The following COLEC12 variants were observed in gnomAD, a reference collection of about 807,000 sequenced individuals.
COLEC12 encodes the protein collectin subfamily member 12, also known as collectin-12.
COLEC12 carries 33 observed loss-of-function variants against 71.1 expected under a neutral mutation model. The observed-to-expected ratio is 0.46, with a 90% CI of 0.35 to 0.62. COLEC12 has a LOEUF of 0.62. Among genes scored for constraint, COLEC12 ranks in the 20% least tolerant of loss-of-function variants. COLEC12 has a pLI of 0.00. For synonymous variants in COLEC12, 350 were observed against 353.0 expected (o/e 0.99, Z 0.10); for missense variants, 765 against 916.1 (o/e 0.84, Z 2.13).
At chr18:481,539 T>C (rs1033242043) in intron 1 of COLEC12, among the ~76,000 whole-genome samples, 4 of 152,186 alleles carry the variant, frequency 2.6e-5, no homozygotes, top group Non-Finnish European at 5.9e-5. Flanking sequence ...ACCCCATCTC[T>C]ACTAAAAATA....
chr18:321,842 C>T, intron 8 of COLEC12, 35 bp from the exon 9 acceptor site: 1 of 1,589,556 alleles, frequency 6.3e-7, no homozygotes, highest in Non-Finnish European at 8.6e-7. Context: ...GTTATTTGCA[C>T]AGTAATGCAG....
At chr18:457,141 T>G (rs545963326) in intron 2 of COLEC12, among the ~76,000 whole-genome samples, 11 of 152,324 alleles carry the variant, frequency 7.2e-5, no homozygotes, top group African/African-American at 2.6e-4. Flanking sequence ...ACAGCATGGC[T>G]GCACAGTGAG....
chr18:465,473 T>C (rs1323396587), intron 2 of COLEC12, among the ~76,000 whole-genome samples: 1 of 152,218 alleles, frequency 6.6e-6, no homozygotes, highest in Non-Finnish European at 1.5e-5. Flanking sequence ...GAAATTTTTA[T>C]TTCCCAGTCT....
At chr18:468,459 T>C (rs1329529159) in intron 2 of COLEC12, among the ~76,000 whole-genome samples, 1 of 152,172 alleles carries the variant, frequency 6.6e-6, no homozygotes, top group Non-Finnish European at 1.5e-5. Context: ...CATAGCTAGT[T>C]AATGCATAGC....
At chr18:392,218 T>C (rs763132819) in intron 2 of COLEC12, among the ~76,000 whole-genome samples, 3 of 152,244 alleles carry the variant, frequency 2.0e-5, no homozygotes, top group Non-Finnish European at 4.4e-5. Flanking sequence ...CAACTTGTGC[T>C]ACTGTAGCTT....
rs750036744 is a variant in COLEC12, at chr18:346,677, C to G, written c.945G>C (p.Gln315His). ...TATTCTCTGCATCTTTGTGTAAGTC[C>G]TGCAGGTCTTTCAGGTTCTGCTCGT... ...QANEQNLKDL[Q>H]DLHKDAENRT... is the part of the protein sequence containing the mutation. The change falls in exon 5 of 10, where the codon CAG (glutamine) becomes CAC (histidine). Residue 315 changes from glutamine to histidine, a missense_variant. Transcript: ENST00000400256. The surrounding 1 kb of genome is among the most constrained non-coding windows in gnomAD (Gnocchi z 4.0). 41 of 1,614,066 alleles carry G rather than the reference C, an allele frequency of 2.5e-5. No individual in the cohort carries two copies. Among genetic ancestry groups the G allele is most frequent in the Non-Finnish European group, 3.5e-5 (41 of 1,180,034 alleles).
intron 2 of COLEC12, among the ~76,000 whole-genome samples, chr18:366,812 G>A (rs1914865916): frequency 6.6e-6 from 1 of 152,150 alleles, no homozygotes; most frequent in Admixed American, 6.5e-5. Flanking sequence ...GTGATTTGCT[G>A]ATCTCACTGT....
intron 2 of COLEC12, among the ~76,000 whole-genome samples, chr18:412,166 C>T (rs969773345): frequency 2.6e-5 from 4 of 152,120 alleles, no homozygotes; most frequent in African/African-American, 9.7e-5. Context: ...AAGACACATC[C>T]TAATTAAACT....
At chr18:380,839 G>A (rs991088290) in intron 2 of COLEC12, among the ~76,000 whole-genome samples, 1 of 152,156 alleles carries the variant, frequency 6.6e-6, no homozygotes, top group African/African-American at 2.4e-5. Flanking sequence ...ACGTAAGTTT[G>A]CATGAGAACG....
intron 2 of COLEC12, among the ~76,000 whole-genome samples, chr18:393,691 C>T (rs1045299724): frequency 1.3e-5 from 2 of 152,162 alleles, no homozygotes; most frequent in Non-Finnish European, 2.9e-5. Flanking sequence ...TATCTGTGCC[C>T]GTGTGGCCTT....
chr18:449,065 C>A (rs1420241021), intron 2 of COLEC12, among the ~76,000 whole-genome samples: 3 of 151,890 alleles, frequency 2.0e-5, no homozygotes, highest in Non-Finnish European at 4.4e-5. Flanking sequence ...TGAAATCATA[C>A]TGAAACCTAT....
chr18:325,627 C>CTTTTTTT (rs760407917), intron 8 of COLEC12, among the ~76,000 whole-genome samples: 746 of 51,828 alleles, frequency 0.014, 125 homozygotes, highest in Admixed American at 0.019. Flanking sequence ...AAGGATCAGC[C>CTTTTTTT]TTTTTTTTTT....
intron 5 of COLEC12, among the ~76,000 whole-genome samples, chr18:345,034 G>C (rs1244778282): frequency 6.6e-6 from 1 of 152,182 alleles, no homozygotes; most frequent in African/African-American, 2.4e-5. Context: ...CCAGTGTGGG[G>C]GACATACCCC....
At chr18:368,664 A>T (rs1165955799) in intron 2 of COLEC12, among the ~76,000 whole-genome samples, 1 of 152,014 alleles carries the variant, frequency 6.6e-6, no homozygotes, top group Non-Finnish European at 1.5e-5. Flanking sequence ...GGAGATCGAG[A>T]CCAGCCTGGC....
At chr18:411,415 C>T (rs1245381049) in intron 2 of COLEC12, among the ~76,000 whole-genome samples, 1 of 151,984 alleles carries the variant, frequency 6.6e-6, no homozygotes, top group African/African-American at 2.4e-5. Context: ...TTTAGGATTA[C>T]CTGACAAAGA....
chr18:432,334 C>T (rs776303110), intron 2 of COLEC12, among the ~76,000 whole-genome samples: 7 of 152,178 alleles, frequency 4.6e-5, no homozygotes, highest in South Asian at 2.1e-4. Context: ...TAAAATACAG[C>T]GAAAGAGGAA....
At chr18:400,293 C>T (rs920193168) in intron 2 of COLEC12, among the ~76,000 whole-genome samples, 1 of 152,104 alleles carries the variant, frequency 6.6e-6, no homozygotes, top group Non-Finnish European at 1.5e-5. Context: ...ATAAGTAGAT[C>T]CTTTCAGGCT....
intron 2 of COLEC12, among the ~76,000 whole-genome samples, chr18:360,178 C>CTTTTTTTT (rs778619867): frequency 3.5e-5 from 5 of 141,614 alleles, no homozygotes; most frequent in Non-Finnish European, 4.6e-5. Flanking sequence ...ATTTGGATTT[C>CTTTTTTTT]TTTTTTTTTT....
intron 2 of COLEC12, among the ~76,000 whole-genome samples, chr18:387,096 C>A (rs1011909831): frequency 3.3e-5 from 5 of 152,210 alleles, no homozygotes; most frequent in Non-Finnish European, 5.9e-5. Flanking sequence ...AACACATGAT[C>A]TTTATGGCAA....
Sources: allele counts gnomAD v4.1 joint callset (sites outside exome capture counted in the v4.1 genomes callset), GRCh38; gene constraint gnomAD v4.1.1; non-coding constraint Gnocchi (gnomAD v3.1); transcripts MANE v1.5; gene names NCBI Gene and HGNC (gene_info 2026-07-23, HGNC 2026-07-21).